The following CTNND2 variants were observed in gnomAD, a reference collection of about 807,000 sequenced individuals.
CTNND2 encodes the protein catenin delta-2.
In CTNND2, 22 loss-of-function variants were observed where a neutral mutation model predicts 144.4. That is an observed-to-expected ratio of 0.15 (90% CI 0.11 to 0.22). CTNND2 has a LOEUF of 0.22. Among genes scored for constraint, CTNND2 ranks in the 10% least tolerant of loss-of-function variants. The probability of loss-of-function intolerance (pLI) is 1.00; values close to 1 mark genes in which losing one functional copy is unlikely to be tolerated. For missense variants in CTNND2, 1,353 were observed against 1,618.8 expected (o/e 0.84, Z 2.82); for synonymous variants, 751 against 695.6 (o/e 1.08, Z -1.25).
chr5:11,111,087 C>T, intron 13 of CTNND2, 44 bp from the exon 14 acceptor site: 1 of 1,570,634 alleles, frequency 6.4e-7, no homozygotes, highest in Non-Finnish European at 8.7e-7. Flanking sequence ...GTAAAACTAG[C>T]ACTCAGCACT....
At chr5:11,120,836 C>A (rs1187903240) in intron 12 of CTNND2, among the ~76,000 whole-genome samples, 3 of 152,158 alleles carry the variant, frequency 2.0e-5, no homozygotes, top group Non-Finnish European at 4.4e-5. Flanking sequence ...TAAACTGTCT[C>A]TTTTCAATGG....
In CTNND2 at chr5:11,170,408, T is replaced by C. The variant is rs551015494; in HGVS notation, c.1976-10649A>G. Among the ~76,000 whole-genome samples, 6 of 152,342 alleles carry C rather than the reference T, an allele frequency of 3.9e-5. No individual in the cohort carries two copies. The East Asian group carries it at 9.6e-4, about 24-fold the overall frequency. ...TATGTTTTTAACTGACAGATACAAT[T>C]GTATGTATGTATCTTCATACAACAT... On this transcript the variant is annotated intron_variant, in intron 11 of 21. Coordinates refer to ENST00000304623, the MANE Select transcript of CTNND2 (RefSeq NM_001332.4).
intron 3 of CTNND2, among the ~76,000 whole-genome samples, chr5:11,427,803 C>T (rs577187488): frequency 6.6e-6 from 1 of 152,232 alleles, no homozygotes; most frequent in African/African-American, 2.4e-5. Flanking sequence ...AATCTTTTTG[C>T]TCCCATCAAT....
chr5:11,020,622 T>A (rs911602877), intron 17 of CTNND2, among the ~76,000 whole-genome samples: 5 of 152,200 alleles, frequency 3.3e-5, no homozygotes, highest in Admixed American at 2.6e-4. Context: ...TTCTCCTGAA[T>A]TCATTTTGTT....
intron 12 of CTNND2, among the ~76,000 whole-genome samples, chr5:11,142,146 T>C (rs1003137065): frequency 6.6e-6 from 1 of 152,150 alleles, no homozygotes; most frequent in Non-Finnish European, 1.5e-5. Context: ...ACCCAGACTG[T>C]GGTATTCTGT....
chr5:11,778,018 A>G (rs1046651722), intron 1 of CTNND2, among the ~76,000 whole-genome samples: 1 of 152,088 alleles, frequency 6.6e-6, no homozygotes, highest in Admixed American at 6.6e-5. Flanking sequence ...ACTTGTCCCA[A>G]ACTACCTGTG....
rs552126293 is a variant in CTNND2, at chr5:11,661,992, C to A, written c.174+70144G>T. Among the ~76,000 whole-genome samples, 108 of 151,324 alleles carry A rather than the reference C, an allele frequency of 7.1e-4. 1 individual carries two copies. The South Asian group carries it at 0.022, about 31-fold the overall frequency. ...AATAGGATACATGTATATATACACA[C>A]ACACACAAACACACACATATATACA... On this transcript the variant is annotated intron_variant, in intron 2 of 21. Transcript: ENST00000304623.
intron 2 of CTNND2, among the ~76,000 whole-genome samples, chr5:11,694,237 C>T (rs946793963): frequency 2.0e-5 from 3 of 151,898 alleles, no homozygotes; most frequent in Non-Finnish European, 4.4e-5. Flanking sequence ...AGATCAAGAC[C>T]ATCCTGGCTA....
chr5:11,739,098 C>G (rs1366525450), intron 1 of CTNND2, among the ~76,000 whole-genome samples: 1 of 152,138 alleles, frequency 6.6e-6, no homozygotes, highest in Non-Finnish European at 1.5e-5. Context: ...TGCTCCAGAG[C>G]TAGAGATGGC....
chr5:11,081,462 G>A (rs2149633110), intron 16 of CTNND2, among the ~76,000 whole-genome samples: 2 of 152,250 alleles, frequency 1.3e-5, no homozygotes, highest in South Asian at 4.1e-4. Flanking sequence ...GATTTTAGAT[G>A]TTTTCGGATT....
At chr5:11,483,658 G>C (rs906333311) in intron 3 of CTNND2, among the ~76,000 whole-genome samples, 1 of 152,190 alleles carries the variant, frequency 6.6e-6, no homozygotes, top group African/African-American at 2.4e-5. Flanking sequence ...AGTCTTGTAA[G>C]CTCCTCGAGA....
intron 2 of CTNND2, among the ~76,000 whole-genome samples, chr5:11,644,951 T>G (rs919865112): frequency 3.3e-5 from 5 of 152,150 alleles, no homozygotes; most frequent in Non-Finnish European, 7.3e-5. Context: ...GTTATATATA[T>G]GTATATACTT....
intron 1 of CTNND2, among the ~76,000 whole-genome samples, chr5:11,866,958 C>A (rs1795796187): frequency 6.6e-6 from 1 of 152,222 alleles, no homozygotes; most frequent in Non-Finnish European, 1.5e-5. Flanking sequence ...TTCTAGATAT[C>A]TGCAAGCACA....
intron 15 of CTNND2, among the ~76,000 whole-genome samples, chr5:11,086,111 C>A (rs1234103082): frequency 6.6e-6 from 1 of 152,076 alleles, no homozygotes; most frequent in Non-Finnish European, 1.5e-5. Context: ...GGACCCAGGG[C>A]TGCAGAGGGG....
chr5:11,243,809 C>G (rs1271193914), intron 9 of CTNND2, among the ~76,000 whole-genome samples: 1 of 152,194 alleles, frequency 6.6e-6, no homozygotes, highest in Non-Finnish European at 1.5e-5. Context: ...GTCACAATAT[C>G]TTATCAAGCT....
At chr5:11,611,982 G>A (rs1027952212) in intron 2 of CTNND2, among the ~76,000 whole-genome samples, 1 of 152,086 alleles carries the variant, frequency 6.6e-6, no homozygotes, top group Admixed American at 6.5e-5. Flanking sequence ...ACAAATAAGT[G>A]ATCAAGAAAT....
At chr5:11,842,698 G>A (rs1244717176) in intron 1 of CTNND2, among the ~76,000 whole-genome samples, 3 of 148,570 alleles carry the variant, frequency 2.0e-5, no homozygotes, top group African/African-American at 7.7e-5. Context: ...CAGCCTGGGT[G>A]ACAGAGACAG....
At chr5:11,560,545 T>G (rs1776601609) in intron 3 of CTNND2, among the ~76,000 whole-genome samples, 1 of 152,212 alleles carries the variant, frequency 6.6e-6, no homozygotes, top group African/African-American at 2.4e-5. Context: ...ATTCTTTGAC[T>G]GAAGGTTAAA....
intron 2 of CTNND2, among the ~76,000 whole-genome samples, chr5:11,665,660 T>C (rs750952492): frequency 6.6e-6 from 1 of 152,180 alleles, no homozygotes; most frequent in Non-Finnish European, 1.5e-5. Flanking sequence ...ATATATTCAA[T>C]AGAAAATATC....
Sources: gnomAD v4.1 joint callset for allele counts (sites outside exome capture counted in the v4.1 genomes callset) on GRCh38, gnomAD v4.1.1 for gene constraint, MANE v1.5 for transcripts, NCBI Gene and HGNC (gene_info 2026-07-23, HGNC 2026-07-21) for gene names.